The following ITFG2 variants were observed in gnomAD, a reference collection of about 807,000 sequenced individuals.
ITFG2 encodes the protein integrin alpha FG-GAP repeat containing 2.
Under a neutral mutation model 54.4 loss-of-function variants are expected in ITFG2, and 36 were observed. The observed-to-expected ratio is 0.66, with a 90% CI of 0.51 to 0.87. The LOEUF is 0.87. Ranked by LOEUF, ITFG2 falls within the 40% of genes least tolerant of loss-of-function variation. ITFG2 has a pLI of 0.00. For synonymous variants in ITFG2, 211 were observed against 225.4 expected (o/e 0.94, Z 0.57); for missense variants, 524 against 576.7 (o/e 0.91, Z 0.94).
Position 2,817,281 on chromosome 12 carries a change from A to T in ITFG2, c.155A>T (p.Asp52Val). ...SGKVSVYKND[D>V]SRPWLTCSCQ... ...AAGGTGTCTGTGTATAAAAATGATG[A>T]CAGTCGGCCATGGCTCACCTGTTCC... The change falls in exon 2 of 12, where the codon GAC becomes GTC. Residue 52 changes from aspartate (D) to valine (V), a missense_variant. Coordinates refer to ENST00000228799, the MANE Select transcript of ITFG2 (RefSeq NM_018463.4). The T allele has an allele frequency of 6.2e-7, 1 of 1,613,898 alleles. No homozygotes were observed. The highest frequency in any genetic ancestry group is 8.5e-7 in the Non-Finnish European group (1 of 1,179,930).
At chr12:2,832,459 C>T (rs1180693516), upstream of ITFG2, among the ~76,000 whole-genome samples, 2 of 151,940 alleles carry the variant, frequency 1.3e-5, no homozygotes, top group South Asian at 2.1e-4. Context: ...TCACTCTTCT[C>T]GAGGCTAGAC....
intron 2 of ITFG2, among the ~76,000 whole-genome samples, chr12:2,851,705 G>T (rs999363340): frequency 2.0e-5 from 3 of 151,198 alleles, no homozygotes; most frequent in African/African-American, 7.3e-5. Flanking sequence ...CCAAGATGTA[G>T]TCTTGATCTG....
At chr12:2,821,667 A>C (rs768326240) in intron 8 of ITFG2, 25 bp from the exon 9 acceptor site, 4 of 1,613,534 alleles carry the variant, frequency 2.5e-6, no homozygotes, top group South Asian at 1.1e-5. Flanking sequence ...TCCCACCCAC[A>C]CTCAGCCTGC....
Position 2,824,429 on chromosome 12 carries a change from A to C in ITFG2, c.*236A>C. On this transcript the variant is annotated 3_prime_UTR_variant, in exon 12 of 12. Coordinates refer to ENST00000228799, the MANE Select transcript of ITFG2 (RefSeq NM_018463.4). ...CATTTCCTTATGGACCTCACCCATC[A>C]TGCCAGCAGGGTCATAGGACCCTGG... 1 of 560,930 alleles carries C rather than the reference A, an allele frequency of 1.8e-6. No homozygotes were observed. Among genetic ancestry groups the C allele is most frequent in the Non-Finnish European group, 3.3e-6 (1 of 301,770 alleles). 34.7% of individuals were successfully genotyped at this position (560,930 alleles called of 1,614,324 possible). A position where few individuals can be genotyped will look rare whatever the true frequency, so the allele number is the denominator to read the frequency against.
chr12:2,837,621 G>A (rs566574682), intron 1 of ITFG2, among the ~76,000 whole-genome samples: 2 of 152,064 alleles, frequency 1.3e-5, no homozygotes, highest in African/African-American at 2.4e-5. Context: ...TGGGCAACAA[G>A]AGTGAAACTC....
upstream of ITFG2, chr12:2,834,955 G>C: frequency 1.3e-6 from 2 of 1,591,202 alleles, no homozygotes; most frequent in Non-Finnish European, 1.7e-6. Context: ...GGGTCTCCAC[G>C]GGAGGGAAAG....
At position 2,830,755 on chromosome 12, in the gene ITFG2, T is replaced by C. The variant is rs756209971; in HGVS notation, c.*60-79T>C. The C allele has an allele frequency of 6.8e-6, 11 of 1,613,840 alleles. No homozygotes were observed. In the East Asian group the frequency reaches 2.5e-4, roughly 36 times the overall value. ...GGAATCTCTGTCCTGCTGGTCTTCC[T>C]CCTGCTCTCCTGGCCATGAATCAGG... On this transcript the variant is annotated intron_variant and NMD_transcript_variant, in intron 2 of 2. Coordinates refer to the ITFG2 transcript ENST00000538822.
At chr12:2,854,833 G>A (rs1387367526) in intron 2 of ITFG2, 6 of 1,447,622 alleles carry the variant, frequency 4.1e-6, no homozygotes, top group Middle Eastern at 1.8e-4. Flanking sequence ...AGGAACCTGA[G>A]AGAGGGAGGG....
chr12:2,828,188 A>G (rs2097979325), downstream of ITFG2: 2 of 1,137,312 alleles, frequency 1.8e-6, no homozygotes, highest in Admixed American at 4.3e-5. Context: ...CTTCTCTGCC[A>G]GAGTCTTCTA....
At position 2,821,536 on chromosome 12, in the gene ITFG2, C is replaced by T; in HGVS notation, c.794-7C>T. On this transcript the variant is annotated splice_region_variant and splice_polypyrimidine_tract_variant and intron_variant, in intron 7 of 11. Transcript: ENST00000228799. ...CCCTTTACATATTCTTCCTCTGGTCCTCACAGGCCACGGCACTGAGAGTAG... is the reference window on the plus strand; with the variant it reads ...CCCTTTACATATTCTTCCTCTGGTCTTCACAGGCCACGGCACTGAGAGTAG... 2 of 1,614,130 alleles carry T rather than the reference C, an allele frequency of 1.2e-6. No individual in the cohort carries two copies. Among genetic ancestry groups the T allele is most frequent in the Non-Finnish European group, 1.7e-6 (2 of 1,179,998 alleles).
At chr12:2,849,267 T>A (rs1402026072) in intron 2 of ITFG2, 1 of 1,536,122 alleles carries the variant, frequency 6.5e-7, no homozygotes, top group Non-Finnish European at 8.7e-7. Context: ...TCTTCCTTGC[T>A]GGGGATTTGC....
chr12:2,844,294 C>T (rs1035779783), intron 2 of ITFG2, among the ~76,000 whole-genome samples: 1 of 151,862 alleles, frequency 6.6e-6, no homozygotes, highest in African/African-American at 2.4e-5. Context: ...TGGCTGATGC[C>T]CGTAATCGCA....
chr12:2,823,402 G>T (rs1270626112), intron 10 of ITFG2, among the ~76,000 whole-genome samples: 1 of 152,214 alleles, frequency 6.6e-6, no homozygotes, highest in African/African-American at 2.4e-5. Context: ...TGGAAGGAGG[G>T]ATTGGCACCT....
rs1339596268 is a variant in ITFG2 at position 2,817,899 on chromosome 12, T to G, written c.193-10T>G. On this transcript the variant is annotated splice_polypyrimidine_tract_variant and intron_variant, in intron 2 of 11. Coordinates refer to ENST00000228799, the MANE Select transcript of ITFG2 (RefSeq NM_018463.4). ...TAGCGTCTCCCTGAGCCTCCCTTTC[T>G]CTCTTACAGCTGACTTGCGTTGGGG... The G allele has an allele frequency of 6.2e-7, 1 of 1,613,274 alleles. No individual in the cohort carries two copies.
chr12:2,829,521 C>T (rs2097989153), downstream of ITFG2, among the ~76,000 whole-genome samples: 1 of 152,136 alleles, frequency 6.6e-6, no homozygotes, highest in South Asian at 2.1e-4. Context: ...TATCTATAAT[C>T]CAAGCACTTT....
chr12:2,827,917 G>C (rs1295332603), downstream of ITFG2: 1 of 1,613,814 alleles, frequency 6.2e-7, no homozygotes, highest in Admixed American at 1.7e-5. The surrounding 1 kb of genome is among the most constrained non-coding windows in gnomAD (Gnocchi z 4.0). Flanking sequence ...TGCAGAAGGG[G>C]GGACTTACCC....
downstream of ITFG2, among the ~76,000 whole-genome samples, chr12:2,829,898 A>T (rs55893327): frequency 0.073 from 9,124 of 125,528 alleles, no homozygotes; most frequent in South Asian, 0.16. Flanking sequence ...ACCAACCTGG[A>T]GAAACCCCAT....
At chr12:2,852,079 T>A (rs1432837892) in intron 2 of ITFG2, among the ~76,000 whole-genome samples, 3 of 152,228 alleles carry the variant, frequency 2.0e-5, no homozygotes, top group Admixed American at 6.5e-5. Flanking sequence ...TATAATCTTA[T>A]GGGACCGCTG....
At chr12:2,822,259 G>A (rs1225404509) in intron 9 of ITFG2, among the ~76,000 whole-genome samples, 3 of 152,150 alleles carry the variant, frequency 2.0e-5, no homozygotes, top group African/African-American at 7.2e-5. Context: ...CATCTGAAGC[G>A]AGTTTGTTTC....
Sources: allele counts gnomAD v4.1 joint callset (sites outside exome capture counted in the v4.1 genomes callset), GRCh38; gene constraint gnomAD v4.1.1; non-coding constraint Gnocchi (gnomAD v3.1); transcripts MANE v1.5; gene names NCBI Gene and HGNC (gene_info 2026-07-23, HGNC 2026-07-21).